Variants in PDE4D observed in about 807,000 individuals in gnomAD.
PDE4D encodes the protein phosphodiesterase 4D, also known as 3',5'-cyclic-AMP phosphodiesterase 4D.
A neutral mutation model predicts 87.4 loss-of-function variants in PDE4D; 24 were observed. The observed-to-expected ratio is 0.27, with a 90% CI of 0.20 to 0.39. The LOEUF (loss-of-function observed/expected upper bound fraction) is 0.39. Among genes scored for constraint, PDE4D ranks in the 10% least tolerant of loss-of-function variants. The pLI is 1.00. For synonymous variants in PDE4D, 384 were observed against 383.2 expected, an observed-to-expected ratio of 1.00 and a Z score of -0.02; for missense variants, 714 against 1,041.0, an observed-to-expected ratio of 0.69 and a Z score of 4.32.
intron 7 of PDE4D, among the ~76,000 whole-genome samples, chr5:58,992,945 C>A (rs1748254039): frequency 6.6e-6 from 1 of 152,072 alleles, no homozygotes; most frequent in Non-Finnish European, 1.5e-5. Context: ...ATTTTATCTG[C>A]CCACCAGTTT....
At chr5:60,461,493 A>G (rs1746941184) in intron 1 of PDE4D, among the ~76,000 whole-genome samples, 1 of 152,254 alleles carries the variant, frequency 6.6e-6, no homozygotes, top group African/African-American at 2.4e-5. Flanking sequence ...AAAGAAAGAG[A>G]AAGTGTTCAC....
At chr5:59,984,225 T>C (rs1036779886) in intron 3 of PDE4D, among the ~76,000 whole-genome samples, 2 of 137,774 alleles carry the variant, frequency 1.5e-5, no homozygotes, top group Non-Finnish European at 3.2e-5. Context: ...TATACCTTAA[T>C]AAAAAGATTT....
intron 1 of PDE4D, among the ~76,000 whole-genome samples, chr5:60,417,936 ACTT>A (rs1324589541): frequency 2.1e-5 from 3 of 144,410 alleles, no homozygotes; most frequent in Non-Finnish European, 4.4e-5. Flanking sequence ...AAAGATAAAC[ACTT>A]CCAAATTTCA....
intron 1 of PDE4D, among the ~76,000 whole-genome samples, chr5:60,427,791 G>A (rs1212777974): frequency 6.6e-6 from 1 of 152,186 alleles, no homozygotes; most frequent in Non-Finnish European, 1.5e-5. Context: ...GGGAGATGAG[G>A]CCAGGTGTTG....
chr5:60,325,085 T>A (rs546203689), intron 1 of PDE4D, among the ~76,000 whole-genome samples: 12 of 152,296 alleles, frequency 7.9e-5, no homozygotes, highest in Admixed American at 5.2e-4. Flanking sequence ...AACTAGAGAA[T>A]GGATATTATA....
intron 1 of PDE4D, among the ~76,000 whole-genome samples, chr5:59,599,236 CTT>C (rs11409094): frequency 0.014 from 1,960 of 142,246 alleles, 42 homozygotes; most frequent in African/African-American, 0.046. Context: ...TTTGCTTTTT[CTT>C]TTTTTTTTTT....
At chr5:60,161,225 T>G (rs1262135864) in intron 2 of PDE4D, among the ~76,000 whole-genome samples, 1 of 152,170 alleles carries the variant, frequency 6.6e-6, no homozygotes, top group Non-Finnish European at 1.5e-5. Context: ...TACTATTTAA[T>G]TGTTCTTCTG....
chr5:59,733,706 G>T (rs74575987), intron 1 of PDE4D, among the ~76,000 whole-genome samples: 2,057 of 151,934 alleles, frequency 0.014, 50 homozygotes, highest in African/African-American at 0.047. Flanking sequence ...TTGTTTTTGT[G>T]AATGGTAATA....
intron 1 of PDE4D, among the ~76,000 whole-genome samples, chr5:60,231,466 GA>G (rs368214981): frequency 1.2e-4 from 18 of 149,528 alleles, no homozygotes; most frequent in Admixed American, 6.0e-4. Context: ...CTGTGCAATG[GA>G]AAAAAAAATG....
At chr5:59,385,259 G>A (rs1022573740) in intron 1 of PDE4D, among the ~76,000 whole-genome samples, 1 of 152,036 alleles carries the variant, frequency 6.6e-6, no homozygotes, top group Non-Finnish European at 1.5e-5. Context: ...ATAGCTTCCT[G>A]CTTTTTGTGG....
intron 1 of PDE4D, among the ~76,000 whole-genome samples, chr5:60,481,690 G>A (rs1444770009): frequency 1.3e-5 from 2 of 152,104 alleles, no homozygotes; most frequent in Non-Finnish European, 2.9e-5. Flanking sequence ...CAAAGCAAGG[G>A]ATTCAAATAC....
intron 1 of PDE4D, among the ~76,000 whole-genome samples, chr5:60,422,989 T>G (rs1038745738): frequency 7.9e-5 from 12 of 151,982 alleles, no homozygotes; most frequent in Admixed American, 2.6e-4. Flanking sequence ...AACAAGAAGA[T>G]CTAACTAACC....
At chr5:60,107,305 C>T (rs1562102109) in intron 2 of PDE4D, among the ~76,000 whole-genome samples, 1 of 151,808 alleles carries the variant, frequency 6.6e-6, no homozygotes, top group Non-Finnish European at 1.5e-5. Flanking sequence ...AAGACTAAAC[C>T]GGGAAGAAGT....
intron 1 of PDE4D, among the ~76,000 whole-genome samples, chr5:59,237,128 G>A (rs993268202): frequency 6.6e-6 from 1 of 152,038 alleles, no homozygotes; most frequent in South Asian, 2.1e-4. Flanking sequence ...ACTTTTCAAA[G>A]CTCAACATGT....
intron 2 of PDE4D, among the ~76,000 whole-genome samples, chr5:60,114,006 C>T (rs1442055159): frequency 6.6e-6 from 1 of 151,986 alleles, no homozygotes; most frequent in Non-Finnish European, 1.5e-5. Context: ...GTGGCAGTAC[C>T]TAATAACAGT....
chr5:59,410,315 G>A lies in PDE4D; in HGVS notation c.456-194347C>T, dbSNP rs190648811. On this transcript the variant is annotated intron_variant, in intron 1 of 14. Transcript: ENST00000340635. ...CACCCAGGCTGGAGTGCAGTGGCAC[G>A]ATCTCATCACAACCTCTGCCTCCCA... Among the ~76,000 whole-genome samples the A allele has an allele frequency of 6.6e-4, 100 of 152,108 alleles. 2 individuals are homozygous for A. The East Asian group carries it at 9.5e-3, about 14-fold the overall frequency.
intron 1 of PDE4D, among the ~76,000 whole-genome samples, chr5:60,432,562 G>A (rs1193010722): frequency 2.0e-5 from 3 of 152,102 alleles, no homozygotes; most frequent in South Asian, 4.1e-4. Context: ...ATTCTTTACA[G>A]AACTAGAAAA....
intron 1 of PDE4D, among the ~76,000 whole-genome samples, chr5:59,385,989 T>G (rs994809671): frequency 6.6e-6 from 1 of 152,118 alleles, no homozygotes; most frequent in Non-Finnish European, 1.5e-5. Context: ...TGAGAACATT[T>G]CTCTAGAAAA....
intron 3 of PDE4D, among the ~76,000 whole-genome samples, chr5:59,916,954 ATT>A (rs750105496): frequency 0.031 from 2,287 of 73,564 alleles, 23 homozygotes; most frequent in African/African-American, 0.037. Context: ...TGCCCGGCTA[ATT>A]TTTTTTTTTT....
Sources: allele counts gnomAD v4.1 joint callset (sites outside exome capture counted in the v4.1 genomes callset), GRCh38; gene constraint gnomAD v4.1.1; transcripts MANE v1.5; gene names NCBI Gene and HGNC (gene_info 2026-07-23, HGNC 2026-07-21).